Variants in FNBP1 observed in about 807,000 individuals in gnomAD.
The protein encoded by FNBP1 is formin-binding protein 1.
FNBP1 carries 26 observed loss-of-function variants against 90.6 expected under a neutral mutation model. That is an observed-to-expected ratio of 0.29 (90% CI 0.21 to 0.40). The LOEUF (loss-of-function observed/expected upper bound fraction) is 0.40. Among genes scored for constraint, FNBP1 ranks in the 10% least tolerant of loss-of-function variants. FNBP1 has a pLI of 1.00. For missense variants in FNBP1, 635 were observed against 768.0 expected, an observed-to-expected ratio of 0.83 and a Z score of 2.05; for synonymous variants, 260 against 265.2, an observed-to-expected ratio of 0.98 and a Z score of 0.19.
chr9:130,035,195 C>T (rs2059199361), intron 1 of FNBP1, among the ~76,000 whole-genome samples: 2 of 152,264 alleles, frequency 1.3e-5, no homozygotes, highest in South Asian at 4.1e-4. Context: ...ATGCAGCCTC[C>T]TTTAGGGTCC....
At chr9:130,002,682 T>C (rs1327392261) in intron 1 of FNBP1, among the ~76,000 whole-genome samples, 1 of 152,204 alleles carries the variant, frequency 6.6e-6, no homozygotes, top group Non-Finnish European at 1.5e-5. Flanking sequence ...TTTTCTTTAT[T>C]AATTACCTAG....
intron 1 of FNBP1, among the ~76,000 whole-genome samples, chr9:129,998,758 GA>G (rs1266694796): frequency 6.6e-6 from 1 of 152,092 alleles, no homozygotes; most frequent in Non-Finnish European, 1.5e-5. Flanking sequence ...GAAAACAACA[GA>G]AAAAGCCCAT....
At chr9:129,947,050 A>G (rs979514071) in intron 6 of FNBP1, among the ~76,000 whole-genome samples, 1 of 152,244 alleles carries the variant, frequency 6.6e-6, no homozygotes, top group Non-Finnish European at 1.5e-5. Context: ...AGAGTGACAG[A>G]CAAACTGTGA....
At chr9:129,945,524 A>G (rs562941458) in intron 6 of FNBP1, among the ~76,000 whole-genome samples, 4 of 152,368 alleles carry the variant, frequency 2.6e-5, no homozygotes, top group African/African-American at 9.6e-5. Context: ...TACTACAGCA[A>G]TGGTAACCAA....
In FNBP1 at chr9:129,987,231, T is replaced by C. The variant is rs926524265; in HGVS notation, c.140+7612A>G. On this transcript the variant is annotated intron_variant, in intron 2 of 16. Coordinates refer to ENST00000446176, the MANE Select transcript of FNBP1 (RefSeq NM_015033.3). Reference sequence around the variant, plus strand: ...AGCAAGAAAGAACGCAGGGAACACGTCCCAAGCTCTAACGAGGGGGAGAAT... The same window carrying C: ...AGCAAGAAAGAACGCAGGGAACACGCCCCAAGCTCTAACGAGGGGGAGAAT... 3.3e-5 allele frequency among the ~76,000 whole-genome samples: 5 copies of C among 151,938 alleles called. No individual in the cohort carries two copies. The South Asian group carries it at 1.0e-3, about 31-fold the overall frequency.
chr9:129,951,666 A>T (rs144801202), intron 6 of FNBP1, among the ~76,000 whole-genome samples: 1,901 of 151,938 alleles, frequency 0.013, 17 homozygotes, highest in Middle Eastern at 0.024. Flanking sequence ...GCTTGTCTCA[A>T]ACTCCTGGGC....
At chr9:129,903,042 A>G (rs1564276004) in intron 12 of FNBP1, 41 bp from the exon 13 acceptor site, 14 of 1,367,608 alleles carry the variant, frequency 1.0e-5, no homozygotes, top group Admixed American at 4.8e-5. Context: ...AGGTTACTCC[A>G]TTTTTTTTTT....
intron 1 of FNBP1, among the ~76,000 whole-genome samples, chr9:129,997,058 C>T: frequency 6.6e-6 from 1 of 151,962 alleles, no homozygotes. Context: ...GGTGAGGTGG[C>T]TCACGCCTGT....
rs112242394 is a variant in FNBP1 at position 129,957,228 on chromosome 9, G to T, written c.513+132C>A. 9,384 of 632,114 alleles carry T rather than the reference G, an allele frequency of 0.015. 104 individuals are homozygous for T. The highest frequency in any genetic ancestry group is 0.022 in the Middle Eastern group (52 of 2,392). 39.2% of individuals were successfully genotyped at this position (632,114 alleles called of 1,614,324 possible). Reference sequence around the variant, plus strand: ...AATTTTTGTGTTTTTCGTAGAGATGGGGTTTCACCATCTTGGCCAGGCTGG... The same window carrying T: ...AATTTTTGTGTTTTTCGTAGAGATGTGGTTTCACCATCTTGGCCAGGCTGG... On this transcript the variant is annotated intron_variant, in intron 6 of 16. Transcript: ENST00000446176. The surrounding 1 kb of genome is among the most constrained non-coding windows in gnomAD (Gnocchi z 4.3).
intron 2 of FNBP1, among the ~76,000 whole-genome samples, chr9:129,988,141 A>G (rs1345208887): frequency 6.6e-6 from 1 of 152,092 alleles, no homozygotes; most frequent in Non-Finnish European, 1.5e-5. Flanking sequence ...AGCAGCAGTG[A>G]GGGTGAGGTT....
intron 6 of FNBP1, among the ~76,000 whole-genome samples, chr9:129,939,376 C>G (rs1309401932): frequency 6.7e-6 from 1 of 150,128 alleles, no homozygotes; most frequent in Non-Finnish European, 1.5e-5. Flanking sequence ...GCAACAAGAG[C>G]AAGCCTCCGT....
At chr9:129,899,287 A>T (rs2036400554) in intron 15 of FNBP1, among the ~76,000 whole-genome samples, 2 of 152,066 alleles carry the variant, frequency 1.3e-5, no homozygotes, top group African/African-American at 4.8e-5. Context: ...CATGTTGGCG[A>T]GGCTGGTCTT....
At chr9:129,954,259 A>T (rs1240839299) in intron 6 of FNBP1, among the ~76,000 whole-genome samples, 1 of 152,132 alleles carries the variant, frequency 6.6e-6, no homozygotes, top group Admixed American at 6.6e-5. Flanking sequence ...AGACAATAAA[A>T]TATGGAATCC....
At chr9:130,015,517 AG>A (rs376566062) in intron 1 of FNBP1, among the ~76,000 whole-genome samples, 6 of 152,292 alleles carry the variant, frequency 3.9e-5, no homozygotes, top group African/African-American at 1.4e-4. Flanking sequence ...ACTACTGCCC[AG>A]GTCTTTACTA....
At chr9:129,907,744 T>C (rs1347837366) in intron 12 of FNBP1, among the ~76,000 whole-genome samples, 1 of 152,148 alleles carries the variant, frequency 6.6e-6, no homozygotes, top group African/African-American at 2.4e-5. Context: ...TTTGTTTTGT[T>C]TTGAGACAGA....
rs757032587 is a variant in FNBP1 at position 129,985,345 on chromosome 9, AC to A, written c.141-5972del. Reference sequence around the variant, plus strand: ...ATTACCTTATTAAGCCCACTCAGCAACCTTATAAGGTGAGAATGATGATGAT... The same window carrying A: ...ATTACCTTATTAAGCCCACTCAGCAACTTATAAGGTGAGAATGATGATGAT... On this transcript the variant is annotated intron_variant, in intron 2 of 16. Coordinates refer to ENST00000446176, the MANE Select transcript of FNBP1 (RefSeq NM_015033.3). Among the ~76,000 whole-genome samples, 57 of 152,306 alleles carry A rather than the reference AC, an allele frequency of 3.7e-4. 1 individual carries two copies. The highest frequency in any genetic ancestry group is 7.1e-4 in the Non-Finnish European group (48 of 68,030).
At chr9:130,009,524 T>C (rs1589239081) in intron 1 of FNBP1, among the ~76,000 whole-genome samples, 2 of 150,544 alleles carry the variant, frequency 1.3e-5, no homozygotes, top group Admixed American at 6.6e-5. Context: ...AAAAAATGGC[T>C]GGGCACAATG....
At chr9:129,916,986 G>A (rs748021664) in intron 10 of FNBP1, among the ~76,000 whole-genome samples, 1 of 151,896 alleles carries the variant, frequency 6.6e-6, no homozygotes, top group Non-Finnish European at 1.5e-5. Flanking sequence ...CTGTCCACAG[G>A]GGTTATTTGG....
chr9:129,889,737 T>C lies in FNBP1; in HGVS notation c.*802A>G, dbSNP rs962444162. The C allele has an allele frequency of 8.6e-6, 2 of 232,048 alleles. No homozygotes were observed. The highest frequency in any genetic ancestry group is 1.1e-4 in the Admixed American group (2 of 17,714). The allele number at this position is 232,048 out of a possible 1,614,324, so 14.4% of individuals were successfully genotyped here. On this transcript the variant is annotated 3_prime_UTR_variant, in exon 17 of 17. Coordinates refer to ENST00000446176, the MANE Select transcript of FNBP1 (RefSeq NM_015033.3). ...ACAGTTCTCAGGGACAGGAAAGTGA[T>C]GGGGAGGACAGGCGTGGGCTCCTCA...
Sources: gnomAD v4.1 joint callset for allele counts (sites outside exome capture counted in the v4.1 genomes callset) on GRCh38, gnomAD v4.1.1 for gene constraint, Gnocchi (gnomAD v3.1) non-coding constraint, MANE v1.5 for transcripts, NCBI Gene and HGNC (gene_info 2026-07-23, HGNC 2026-07-21) for gene names.